ERC1: variants seen among roughly 807,000 people sequenced by gnomAD.
The protein encoded by ERC1 is RAB6 interacting protein 2.
ERC1 carries 56 observed loss-of-function variants against 132.0 expected under a neutral mutation model. That is an observed-to-expected ratio of 0.42 (90% CI 0.34 to 0.53). ERC1 has a LOEUF of 0.53. ERC1 is among the 20% of genes least tolerant of loss of function. The pLI, the probability that ERC1 is intolerant of heterozygous loss-of-function variation, is 0.03. For missense variants in ERC1, 1,202 were observed against 1,349.9 expected (o/e 0.89, Z 1.72); for synonymous variants, 478 against 476.1 (o/e 1.00, Z -0.05).
chr12:1,441,533 T>C (rs1309260816), intron 17 of ERC1, among the ~76,000 whole-genome samples: 2 of 152,326 alleles, frequency 1.3e-5, no homozygotes, highest in South Asian at 2.1e-4. Context: ...CATACTTTTT[T>C]CTGCCAGTTT....
At chr12:1,143,365 T>A (rs1437345927) in intron 8 of ERC1, among the ~76,000 whole-genome samples, 1 of 141,642 alleles carries the variant, frequency 7.1e-6, no homozygotes, top group African/African-American at 3.1e-5. Flanking sequence ...TGTGTGTGTG[T>A]GTGTGTGTGT....
intron 15 of ERC1, among the ~76,000 whole-genome samples, chr12:1,298,777 A>T (rs1325668792): frequency 6.6e-6 from 1 of 151,776 alleles, no homozygotes; most frequent in South Asian, 2.1e-4. Flanking sequence ...ATTAGAAAAA[A>T]AAAAGCAAGG....
intron 15 of ERC1, among the ~76,000 whole-genome samples, chr12:1,358,557 T>A (rs1249506431): frequency 6.6e-6 from 1 of 152,204 alleles, no homozygotes; most frequent in Admixed American, 6.5e-5. Context: ...CAAGTATAGA[T>A]GTCCATTCCA....
chr12:1,034,881 G>A (rs1434103544), intron 2 of ERC1, among the ~76,000 whole-genome samples: 1 of 152,188 alleles, frequency 6.6e-6, no homozygotes, highest in African/African-American at 2.4e-5. Context: ...CAGTGAAACA[G>A]TCCACAGGAT....
chr12:1,299,720 A>T lies in ERC1; in HGVS notation c.2780+9708A>T, dbSNP rs1389772681. On this transcript the variant is annotated intron_variant, in intron 15 of 18. Coordinates refer to ENST00000360905, the MANE Select transcript of ERC1 (RefSeq NM_178040.4). ...TCATAACCGGGTTCTTTAAAGAATT[A>T]AAAAAAAATTGATAGGTCCCTACCA... 3.3e-5 allele frequency among the ~76,000 whole-genome samples: 5 copies of T among 151,708 alleles called. No homozygotes were observed. The East Asian group carries it at 7.7e-4, about 23-fold the overall frequency.
intron 15 of ERC1, among the ~76,000 whole-genome samples, chr12:1,368,491 G>A (rs1025241291): frequency 6.6e-6 from 1 of 151,992 alleles, no homozygotes; most frequent in African/African-American, 2.4e-5. Flanking sequence ...CTGAAAAGCT[G>A]AGTGTTTTTA....
rs1323587754 is a variant in ERC1 at position 1,436,920 on chromosome 12, T to C, written c.3025-7642T>C. ...CTAGATTTTTGCCCCTAATGTCTCA[T>C]TCATAAATCTGTAGCCCTGGAACTG... On this transcript the variant is annotated intron_variant, in intron 17 of 18. Coordinates refer to ENST00000360905, the MANE Select transcript of ERC1 (RefSeq NM_178040.4). Among the ~76,000 whole-genome samples the C allele has an allele frequency of 6.6e-5, 10 of 152,250 alleles. No homozygotes were observed. In the East Asian group the frequency reaches 1.9e-3, roughly 29 times the overall value.
chr12:1,002,951 T>C (rs1443679348), intron 1 of ERC1, among the ~76,000 whole-genome samples: 1 of 148,228 alleles, frequency 6.7e-6, no homozygotes, highest in Non-Finnish European at 1.5e-5. Flanking sequence ...TGGCTTGCCA[T>C]TTAAGACTTC....
chr12:1,308,776 C>T (rs967241110), intron 15 of ERC1, among the ~76,000 whole-genome samples: 4 of 152,164 alleles, frequency 2.6e-5, no homozygotes, highest in Middle Eastern at 3.2e-3. Flanking sequence ...TCTTGTTCCA[C>T]GCTAATTTCT....
intron 8 of ERC1, among the ~76,000 whole-genome samples, chr12:1,168,743 T>A (rs907978919): frequency 6.6e-6 from 1 of 152,122 alleles, no homozygotes; most frequent in African/African-American, 2.4e-5. Flanking sequence ...CGCCTCGGCC[T>A]CCCAAAGTGC....
chr12:1,002,171 T>C (rs1163896937), intron 1 of ERC1, among the ~76,000 whole-genome samples: 2 of 106,900 alleles, frequency 1.9e-5, no homozygotes, highest in African/African-American at 7.2e-5. Flanking sequence ...TTTTTTTTTT[T>C]TTTTTTTTTT....
chr12:1,042,108 G>A (rs181746233), intron 2 of ERC1, among the ~76,000 whole-genome samples: 139 of 152,054 alleles, frequency 9.1e-4, no homozygotes, highest in Non-Finnish European at 1.3e-3. Context: ...TGTGATCTCC[G>A]CTCATTGCAC....
At chr12:1,061,544 A>G (rs1337243766) in intron 2 of ERC1, among the ~76,000 whole-genome samples, 1 of 152,054 alleles carries the variant, frequency 6.6e-6, no homozygotes, top group African/African-American at 2.4e-5. Flanking sequence ...CATAGGTTGC[A>G]GTGAGTTGAG....
At chr12:1,399,175 CTT>C (rs1437278479) in intron 16 of ERC1, among the ~76,000 whole-genome samples, 1 of 151,832 alleles carries the variant, frequency 6.6e-6, no homozygotes. Flanking sequence ...TGGTCTCAAA[CTT>C]ATAGGCTCAA....
At chr12:1,402,842 T>G (rs1231537871) in intron 16 of ERC1, among the ~76,000 whole-genome samples, 1 of 152,212 alleles carries the variant, frequency 6.6e-6, no homozygotes, top group Non-Finnish European at 1.5e-5. Context: ...TGATGTCCCT[T>G]CAGACTTCTA....
chr12:1,029,392 A>G (rs1393246481), intron 2 of ERC1, among the ~76,000 whole-genome samples: 2 of 152,202 alleles, frequency 1.3e-5, no homozygotes, highest in Admixed American at 6.5e-5. Flanking sequence ...TTAAGTACAA[A>G]CAATAAGTAC....
chr12:1,121,417 G>T (rs1947069182), intron 7 of ERC1, among the ~76,000 whole-genome samples: 1 of 152,220 alleles, frequency 6.6e-6, no homozygotes, highest in South Asian at 2.1e-4. Flanking sequence ...CACAAAGAAA[G>T]ATGGGGAGAA....
In ERC1 at chr12:1,129,667, T is replaced by C. The variant is rs532468773; in HGVS notation, c.1570-11953T>C. ...AATCTTCAAAGTTTAGTGAAAAACA[T>C]TGGCAACTCAGAATTCTGTACCAAG... On this transcript the variant is annotated intron_variant, in intron 7 of 18. Transcript: ENST00000360905. Among the ~76,000 whole-genome samples, 201 of 152,332 alleles carry C rather than the reference T, an allele frequency of 1.3e-3. 1 individual carries two copies. The highest frequency in any genetic ancestry group is 4.7e-3 in the African/African-American group (194 of 41,580).
intron 15 of ERC1, among the ~76,000 whole-genome samples, chr12:1,326,188 G>A (rs1433394568): frequency 6.6e-6 from 1 of 152,138 alleles, no homozygotes; most frequent in African/African-American, 2.4e-5. Flanking sequence ...CCGTTTTACT[G>A]ATTTGCAGAC....
Sources: allele counts gnomAD v4.1 joint callset (sites outside exome capture counted in the v4.1 genomes callset), GRCh38; gene constraint gnomAD v4.1.1; transcripts MANE v1.5; gene names NCBI Gene and HGNC (gene_info 2026-07-23, HGNC 2026-07-21).